The following CTNND2 variants were observed in gnomAD, a reference collection of about 807,000 sequenced individuals.
CTNND2 encodes catenin delta 2.
In CTNND2, 22 loss-of-function variants were observed where a neutral mutation model predicts 144.4. That is an observed-to-expected ratio of 0.15 (90% CI 0.11 to 0.22). The LOEUF (loss-of-function observed/expected upper bound fraction) is 0.22, where lower values mean the gene tolerates loss of function less well. CTNND2 is among the 10% of genes least tolerant of loss of function. The pLI is 1.00. For missense variants in CTNND2, 1,353 were observed against 1,618.8 expected (o/e 0.84, Z 2.82); for synonymous variants, 751 against 695.6 (o/e 1.08, Z -1.25).
chr5:11,287,309 C>A (rs1481892668), intron 9 of CTNND2, among the ~76,000 whole-genome samples: 1 of 152,222 alleles, frequency 6.6e-6, no homozygotes, highest in Non-Finnish European at 1.5e-5. Flanking sequence ...GAGAAAAAGA[C>A]TGCCCACCTT....
chr5:11,549,270 G>T (rs190852679), intron 3 of CTNND2, among the ~76,000 whole-genome samples: 1 of 152,136 alleles, frequency 6.6e-6, no homozygotes, highest in African/African-American at 2.4e-5. Context: ...TATATTTGGC[G>T]TCTGTAACAT....
intron 2 of CTNND2, among the ~76,000 whole-genome samples, chr5:11,665,079 C>T (rs1428066721): frequency 6.6e-6 from 1 of 152,092 alleles, no homozygotes; most frequent in African/African-American, 2.4e-5. Context: ...AATTGAAATT[C>T]AATTTCCCAA....
intron 11 of CTNND2, among the ~76,000 whole-genome samples, chr5:11,192,277 C>T: frequency 6.6e-6 from 1 of 152,198 alleles, no homozygotes; most frequent in East Asian, 1.9e-4. Flanking sequence ...AGATGATGGA[C>T]TCTCAAAGCC....
intron 1 of CTNND2, among the ~76,000 whole-genome samples, chr5:11,794,303 C>T (rs1371887045): frequency 2.0e-5 from 3 of 152,190 alleles, no homozygotes; most frequent in Admixed American, 1.3e-4. Flanking sequence ...ATATTATTTC[C>T]ATCAGTCTGC....
chr5:11,134,593 A>C (rs1239401577), intron 12 of CTNND2, among the ~76,000 whole-genome samples: 1 of 152,246 alleles, frequency 6.6e-6, no homozygotes, highest in African/African-American at 2.4e-5. Flanking sequence ...ATTTCTGCTA[A>C]CGTATTTCAA....
intron 9 of CTNND2, among the ~76,000 whole-genome samples, chr5:11,302,454 T>C (rs1161631925): frequency 6.6e-6 from 1 of 152,168 alleles, no homozygotes; most frequent in East Asian, 1.9e-4. Flanking sequence ...CCCCAGTCTG[T>C]TCCTTGTGCT....
intron 7 of CTNND2, among the ~76,000 whole-genome samples, chr5:11,365,426 C>G (rs1581024698): frequency 1.3e-5 from 2 of 152,156 alleles, no homozygotes; most frequent in Admixed American, 6.5e-5. Flanking sequence ...CCGAGAGAAG[C>G]AGATATTAAA....
chr5:11,334,064 A>G (rs896139140), intron 9 of CTNND2, among the ~76,000 whole-genome samples: 1 of 152,174 alleles, frequency 6.6e-6, no homozygotes, highest in African/African-American at 2.4e-5. Flanking sequence ...ACTTTGAAAA[A>G]CTTGAAAATA....
At chr5:11,002,377 C>A (rs1740045247) in intron 18 of CTNND2, among the ~76,000 whole-genome samples, 2 of 152,188 alleles carry the variant, frequency 1.3e-5, no homozygotes, top group Non-Finnish European at 2.9e-5. Flanking sequence ...GGACATCCTG[C>A]CATTTTGAGT....
intron 2 of CTNND2, among the ~76,000 whole-genome samples, chr5:11,608,065 T>C (rs114762739): frequency 0.011 from 1,740 of 152,194 alleles, 28 homozygotes; most frequent in African/African-American, 0.041. Flanking sequence ...ATTAATACTG[T>C]CAATTTTGAC....
At chr5:11,578,439 G>A (rs1268149197) in intron 2 of CTNND2, among the ~76,000 whole-genome samples, 2 of 151,994 alleles carry the variant, frequency 1.3e-5, no homozygotes, top group Non-Finnish European at 2.9e-5. Flanking sequence ...GAGAAGGGCA[G>A]ATCACGAGGT....
chr5:11,890,739 A>G (rs1002138315), intron 1 of CTNND2, among the ~76,000 whole-genome samples: 1 of 152,238 alleles, frequency 6.6e-6, no homozygotes, highest in Non-Finnish European at 1.5e-5. Flanking sequence ...AAATGAGATG[A>G]TTTCTATCAC....
Position 11,762,946 on chromosome 5 carries a change from C to T in CTNND2, c.38-30674G>A, listed in dbSNP as rs368235271. 2.8e-4 allele frequency among the ~76,000 whole-genome samples: 43 copies of T among 152,284 alleles called. No individual in the cohort carries two copies. In the South Asian group the frequency reaches 8.5e-3, roughly 30 times the overall value. On this transcript the variant is annotated intron_variant, in intron 1 of 21. Transcript: ENST00000304623. ...TAAATATTACTGTTTGGCTCTGTGTCCCCATGCAAATCTCATGTTGAATTG... is the reference window on the plus strand; with the variant it reads ...TAAATATTACTGTTTGGCTCTGTGTTCCCATGCAAATCTCATGTTGAATTG...
intron 1 of CTNND2, among the ~76,000 whole-genome samples, chr5:11,809,095 G>A (rs1792174060): frequency 6.6e-6 from 1 of 152,174 alleles, no homozygotes; most frequent in Non-Finnish European, 1.5e-5. Flanking sequence ...TGTACAAAAT[G>A]TGAAAGCACA....
intron 9 of CTNND2, among the ~76,000 whole-genome samples, chr5:11,258,484 C>A (rs1744512404): frequency 6.6e-6 from 1 of 152,220 alleles, no homozygotes; most frequent in South Asian, 2.1e-4. Context: ...AAACACCTTA[C>A]AAAAGCTGAA....
intron 1 of CTNND2, among the ~76,000 whole-genome samples, chr5:11,853,255 C>T (rs991374787): frequency 6.6e-6 from 1 of 152,136 alleles, no homozygotes; most frequent in African/African-American, 2.4e-5. Context: ...TACCTTCCTG[C>T]AGCATTTGAC....
At chr5:11,492,626 C>G (rs1769529172) in intron 3 of CTNND2, among the ~76,000 whole-genome samples, 1 of 151,016 alleles carries the variant, frequency 6.6e-6, no homozygotes, top group African/African-American at 2.4e-5. Context: ...ATAAAAATTT[C>G]TATACATATT....
chr5:11,110,833 T>C, intron 14 of CTNND2, 25 bp downstream of exon 14: 1 of 1,601,378 alleles, frequency 6.2e-7, no homozygotes, highest in East Asian at 2.2e-5. Flanking sequence ...GATAATTGCA[T>C]GCAGCTGCAA....
intron 2 of CTNND2, among the ~76,000 whole-genome samples, chr5:11,698,753 T>C (rs1211651701): frequency 6.6e-6 from 1 of 152,112 alleles, no homozygotes; most frequent in African/African-American, 2.4e-5. Flanking sequence ...TGAAATGTTA[T>C]GAAAGCAATG....
Sources: gnomAD v4.1 joint callset for allele counts (sites outside exome capture counted in the v4.1 genomes callset) on GRCh38, gnomAD v4.1.1 for gene constraint, MANE v1.5 for transcripts, NCBI Gene and HGNC (gene_info 2026-07-23, HGNC 2026-07-21) for gene names.